Variants in ARHGAP19 observed in about 807,000 individuals in gnomAD.
ARHGAP19 encodes rho GTPase-activating protein 19.
ARHGAP19 carries 48 observed loss-of-function variants against 60.9 expected under a neutral mutation model. The ratio of observed to expected loss-of-function variants is 0.79; its 90% CI spans 0.62 to 1.00. The LOEUF (loss-of-function observed/expected upper bound fraction) is 1.00, where lower values mean the gene tolerates loss of function less well. ARHGAP19 is among the 50% of genes least tolerant of loss of function. The probability of loss-of-function intolerance (pLI) is 0.00; values close to 1 mark genes in which losing one functional copy is unlikely to be tolerated. For synonymous variants in ARHGAP19, 209 were observed against 215.5 expected, an observed-to-expected ratio of 0.97 and a Z score of 0.27; for missense variants, 562 against 597.2, an observed-to-expected ratio of 0.94 and a Z score of 0.61.
chr10:97,238,098 T>C (rs1589447671), intron 8 of ARHGAP19, among the ~76,000 whole-genome samples: 3 of 152,180 alleles, frequency 2.0e-5, no homozygotes, highest in Admixed American at 1.3e-4. Flanking sequence ...ATGAGTGATA[T>C]TGCCTCTGAA....
intron 6 of ARHGAP19, among the ~76,000 whole-genome samples, chr10:97,254,381 T>G (rs1025032775): frequency 7.2e-5 from 11 of 152,084 alleles, no homozygotes; most frequent in Non-Finnish European, 1.6e-4. Flanking sequence ...AGAAATAAAC[T>G]CTTACATATA....
At chr10:97,230,378 A>C (rs766666104) in intron 9 of ARHGAP19, among the ~76,000 whole-genome samples, 1 of 152,158 alleles carries the variant, frequency 6.6e-6, no homozygotes, top group Admixed American at 6.6e-5. Context: ...GAGACATTCT[A>C]TAAGAGTTCC....
At chr10:97,282,102 G>C (rs570252517) in intron 1 of ARHGAP19, among the ~76,000 whole-genome samples, 1 of 152,028 alleles carries the variant, frequency 6.6e-6, no homozygotes, top group South Asian at 2.1e-4. Context: ...CCCATCTTTC[G>C]AATCTATGTG....
chr10:97,251,879 T>A (rs899352775), intron 6 of ARHGAP19, among the ~76,000 whole-genome samples: 2 of 149,158 alleles, frequency 1.3e-5, no homozygotes, highest in East Asian at 2.0e-4. Context: ...CTTAGACAAA[T>A]AGGCTTACAT....
At chr10:97,264,378 G>A (rs778701950) in intron 3 of ARHGAP19, among the ~76,000 whole-genome samples, 2 of 151,848 alleles carry the variant, frequency 1.3e-5, no homozygotes, top group South Asian at 2.1e-4. Flanking sequence ...ACCTGAGCCC[G>A]GGAGGTCAAG....
chr10:97,245,769 G>A lies in ARHGAP19; in HGVS notation c.993+503C>T, dbSNP rs567591854. Reference sequence around the variant, plus strand: ...ATGAATTACATAAAATTGTCCTTTCGTTCCTATAAAATATGTAACACATTT... The same window carrying A: ...ATGAATTACATAAAATTGTCCTTTCATTCCTATAAAATATGTAACACATTT... On this transcript the variant is annotated intron_variant, in intron 7 of 11. Transcript: ENST00000358531. Among the ~76,000 whole-genome samples the A allele has an allele frequency of 6.4e-4, 97 of 152,032 alleles. No homozygotes were observed. In the South Asian group the frequency reaches 8.7e-3, roughly 14 times the overall value.
In ARHGAP19 at chr10:97,244,303, T is replaced by A. The variant is rs1842531857; in HGVS notation, c.994-144A>T. ...GGAACAAGAAAAATCTTAACACTAT[T>A]ATCAGATAACAAGGAACCTATTAAT... On this transcript the variant is annotated intron_variant, in intron 7 of 11. Coordinates refer to ENST00000358531, the MANE Select transcript of ARHGAP19 (RefSeq NM_032900.6). The A allele has an allele frequency of 6.7e-6, 4 of 593,432 alleles. No homozygotes were observed. In the South Asian group the frequency reaches 1.1e-4, roughly 16 times the overall value. 36.8% of individuals were successfully genotyped at this position (593,432 alleles called of 1,614,324 possible).
chr10:97,247,385 A>G (rs1842578075), intron 6 of ARHGAP19, among the ~76,000 whole-genome samples: 1 of 152,178 alleles, frequency 6.6e-6, no homozygotes, highest in Admixed American at 6.6e-5. Flanking sequence ...ATACTGTCTT[A>G]GTAGATGTGC....
chr10:97,244,308 G>T (rs942128823), intron 7 of ARHGAP19, 149 bp from the exon 8 acceptor site: 2 of 576,778 alleles, frequency 3.5e-6, no homozygotes, highest in Admixed American at 6.7e-5. Flanking sequence ...ACTATTATCA[G>T]ATAACAAGGA....
intron 9 of ARHGAP19, among the ~76,000 whole-genome samples, chr10:97,234,415 T>TAAAAAA (rs10592924): frequency 6.4e-5 from 8 of 124,168 alleles, no homozygotes; most frequent in East Asian, 4.7e-4. Context: ...AAATAAAAAT[T>TAAAAAA]AAAAAAAAAA....
At chr10:97,266,920 G>A (rs1184566434) in intron 1 of ARHGAP19, among the ~76,000 whole-genome samples, 1 of 152,108 alleles carries the variant, frequency 6.6e-6, no homozygotes, top group Non-Finnish European at 1.5e-5. Flanking sequence ...TGGGGACACA[G>A]CCAAACCATA....
At chr10:97,289,656 A>G (rs1253399) in intron 1 of ARHGAP19, among the ~76,000 whole-genome samples, 136,318 of 151,660 alleles carry the variant, frequency 0.9, 61,897 homozygotes, top group Non-Finnish European at 0.97. Context: ...GCAACATGGC[A>G]AGACCCCGGT....
rs1164708198 is a variant in ARHGAP19 at position 97,242,324 on chromosome 10, C to CTTTTTTTT, written c.1185+1636_1185+1643dup. ...TTTTTTATCTTTAAGTATCAGTGTT[C>CTTTTTTTT]TTTTTTTTTTTTTTTTTTTTTTTTT... On this transcript the variant is annotated intron_variant, in intron 8 of 11. Transcript: ENST00000358531. 5.7e-4 allele frequency among the ~76,000 whole-genome samples: 32 copies of CTTTTTTTT among 55,784 alleles called. 4 individuals are homozygous for CTTTTTTTT. The highest frequency in any genetic ancestry group is 8.4e-4 in the Non-Finnish European group (24 of 28,538). 36.6% of individuals were successfully genotyped at this position (55,784 alleles called of 152,430 possible). A position where few individuals can be genotyped will look rare whatever the true frequency, so the allele number is the denominator to read the frequency against.
intron 1 of ARHGAP19, chr10:97,270,681 G>T (rs1484538236): frequency 9.1e-6 from 14 of 1,543,384 alleles, no homozygotes; most frequent in Non-Finnish European, 1.2e-5. Flanking sequence ...TGTTTGTTGT[G>T]ACAAAGAAAC....
intron 1 of ARHGAP19, among the ~76,000 whole-genome samples, chr10:97,282,595 C>A (rs1450882196): frequency 6.6e-6 from 1 of 152,100 alleles, no homozygotes; most frequent in Non-Finnish European, 1.5e-5. Context: ...CTGTATCTTC[C>A]CCTTCAGAGC....
intron 8 of ARHGAP19, among the ~76,000 whole-genome samples, chr10:97,235,652 C>T (rs1842362171): frequency 6.6e-6 from 1 of 152,150 alleles, no homozygotes; most frequent in African/African-American, 2.4e-5. Context: ...CATCTTGGAA[C>T]CACACAGTTA....
In ARHGAP19 at chr10:97,285,480, G is replaced by A. The variant is rs1397894821; in HGVS notation, c.56+7092C>T. On this transcript the variant is annotated intron_variant, in intron 1 of 11. Transcript: ENST00000358531. ...CCCAAGTAGCTGGGACTGCGGGTAT[G>A]TGCCACCATACCTAGATAATTTTCT... Among the ~76,000 whole-genome samples the A allele has an allele frequency of 6.8e-5, 10 of 146,800 alleles. No individual in the cohort carries two copies. The East Asian group carries it at 1.8e-3, about 27-fold the overall frequency.
chr10:97,259,069 T>C (rs1842792906), intron 5 of ARHGAP19, among the ~76,000 whole-genome samples: 1 of 152,226 alleles, frequency 6.6e-6, no homozygotes, highest in South Asian at 2.1e-4. Context: ...CAGAAACTAA[T>C]TTGATTTCCC....
At chr10:97,249,619 A>T (rs1203389068) in intron 6 of ARHGAP19, among the ~76,000 whole-genome samples, 1 of 152,186 alleles carries the variant, frequency 6.6e-6, no homozygotes, top group Non-Finnish European at 1.5e-5. Context: ...AAAAAGCATG[A>T]GTGTGTAGAT....
Sources: gnomAD v4.1 joint callset for allele counts (sites outside exome capture counted in the v4.1 genomes callset) on GRCh38, gnomAD v4.1.1 for gene constraint, MANE v1.5 for transcripts, NCBI Gene and HGNC (gene_info 2026-07-23, HGNC 2026-07-21) for gene names.